TAF1B: variants seen among roughly 807,000 people sequenced by gnomAD.
The protein encoded by TAF1B is TATA-box binding protein associated factor, RNA polymerase I subunit B.
Under a neutral mutation model 83.9 loss-of-function variants are expected in TAF1B, and 61 were observed. The ratio of observed to expected loss-of-function variants is 0.73; its 90% CI spans 0.59 to 0.90. TAF1B has a LOEUF of 0.90. Among genes scored for constraint, TAF1B ranks in the 40% least tolerant of loss-of-function variants. The pLI is 0.00. For missense variants in TAF1B, 625 were observed against 677.0 expected (o/e 0.92, Z 0.85); for synonymous variants, 221 against 224.6 (o/e 0.98, Z 0.14).
chr2:9,873,076 C>G (rs919818115), intron 6 of TAF1B, among the ~76,000 whole-genome samples: 3 of 152,126 alleles, frequency 2.0e-5, no homozygotes, highest in Admixed American at 6.6e-5. Flanking sequence ...GACCCGAAAC[C>G]TTTGCATGGC....
chr2:9,868,513 A>G, intron 6 of TAF1B, 84 bp downstream of exon 6: 1 of 1,530,216 alleles, frequency 6.5e-7, no homozygotes, highest in Non-Finnish European at 8.9e-7. Context: ...TGATAATCCA[A>G]GGAAAGGGAA....
intron 8 of TAF1B, among the ~76,000 whole-genome samples, chr2:9,893,091 T>TA (rs755056519): frequency 6.6e-6 from 1 of 152,160 alleles, no homozygotes; most frequent in Non-Finnish European, 1.5e-5. Context: ...GGAGAGCACT[T>TA]AAAAAAATTA....
chr2:9,856,119 C>T (rs1663558113), intron 5 of TAF1B, among the ~76,000 whole-genome samples: 1 of 151,928 alleles, frequency 6.6e-6, no homozygotes, highest in Non-Finnish European at 1.5e-5. Context: ...ACTGAGAAAC[C>T]CAGGTCTGGG....
chr2:9,897,587 G>A (rs1419681535), intron 8 of TAF1B, among the ~76,000 whole-genome samples: 1 of 152,180 alleles, frequency 6.6e-6, no homozygotes, highest in Admixed American at 6.5e-5. Flanking sequence ...GTGGCACTTA[G>A]CCAGGATGAT....
intron 14 of TAF1B, among the ~76,000 whole-genome samples, chr2:9,931,787 C>T (rs1482166829): frequency 4.6e-5 from 7 of 152,186 alleles, no homozygotes; most frequent in Non-Finnish European, 7.3e-5. Context: ...CCATTCTCCC[C>T]GTCACTTTCA....
At chr2:9,846,769 T>G (rs1173101266) in intron 2 of TAF1B, among the ~76,000 whole-genome samples, 1 of 152,216 alleles carries the variant, frequency 6.6e-6, no homozygotes, top group Non-Finnish European at 1.5e-5. Context: ...ATGTGCTCAC[T>G]TGATGAAATT....
intron 9 of TAF1B, among the ~76,000 whole-genome samples, chr2:9,907,633 A>C (rs1047974679): frequency 6.6e-6 from 1 of 151,970 alleles, no homozygotes; most frequent in Admixed American, 6.6e-5. Flanking sequence ...TCCACCCTCT[A>C]CTATGGTTCC....
At chr2:9,851,301 A>G (rs1341331705) in intron 3 of TAF1B, among the ~76,000 whole-genome samples, 3 of 152,180 alleles carry the variant, frequency 2.0e-5, no homozygotes, top group Non-Finnish European at 2.9e-5. Context: ...GAAATTATAC[A>G]AAATATTTAG....
intron 4 of TAF1B, 25 bp from the exon 5 acceptor site, chr2:9,854,301 A>G (rs966273770): frequency 6.4e-7 from 1 of 1,568,118 alleles, no homozygotes; most frequent in Non-Finnish European, 8.8e-7. Flanking sequence ...TGAATCACCC[A>G]CCACTCATTT....
chr2:9,901,538 A>G (rs1244977322), intron 8 of TAF1B, among the ~76,000 whole-genome samples: 2 of 152,206 alleles, frequency 1.3e-5, no homozygotes, highest in Admixed American at 1.3e-4. Context: ...TTTATCATCC[A>G]TTAAATCATT....
rs529861966 is a variant in TAF1B, at chr2:9,872,571, A to C, written c.554-3294A>C. Among the ~76,000 whole-genome samples, 6 of 152,284 alleles carry C rather than the reference A, an allele frequency of 3.9e-5. 1 individual carries two copies. The South Asian group carries it at 1.0e-3, about 26-fold the overall frequency. On this transcript the variant is annotated intron_variant, in intron 6 of 14. Transcript: ENST00000263663. ...CCTATCTGTATGCTTTCTGACTTCT[A>C]AAATTTTATTGTTCTTGTCACCTTT...
rs772224343 is a variant in TAF1B at position 9,904,953 on chromosome 2, ATCTTC to A, written c.903_907del (p.Tyr301Ter). 5 of 1,612,000 alleles carry A rather than the reference ATCTTC, an allele frequency of 3.1e-6. No homozygotes were observed. The East Asian group carries it at 1.1e-4, about 36-fold the overall frequency. ...TTTCCAGACATAACTGAAGACTGCT[ATCTTC>A]ATCCCAACATACTGTGTATGAAATA... On this transcript the variant is annotated stop_gained and frameshift_variant, in exon 9 of 15. Coordinates refer to ENST00000263663, the MANE Select transcript of TAF1B (RefSeq NM_005680.3). LOFTEE classifies it high-confidence loss of function.
intron 2 of TAF1B, among the ~76,000 whole-genome samples, chr2:9,848,056 C>T (rs374640478): frequency 6.6e-5 from 10 of 152,136 alleles, no homozygotes; most frequent in Middle Eastern, 3.4e-3. Context: ...TGCTCTTTCA[C>T]GTTTTGTCTA....
intron 8 of TAF1B, among the ~76,000 whole-genome samples, chr2:9,886,343 T>A (rs958324732): frequency 6.6e-6 from 1 of 152,238 alleles, no homozygotes; most frequent in African/African-American, 2.4e-5. Flanking sequence ...TACTCGCTCC[T>A]TCATTTCTAG....
At chr2:9,927,521 C>T (rs151068329) in intron 14 of TAF1B, among the ~76,000 whole-genome samples, 1,752 of 152,340 alleles carry the variant, frequency 0.012, 31 homozygotes, top group African/African-American at 0.039. Context: ...TTCACATCCT[C>T]TCCAGCACCT....
In TAF1B at chr2:9,911,556, A is replaced by G; in HGVS notation, c.1179A>G (p.Lys393=). The change falls in exon 11 of 15, where the codon AAA becomes AAG. Residue 393 remains lysine (K), a splice_region_variant and synonymous_variant. Coordinates refer to ENST00000263663, the MANE Select transcript of TAF1B (RefSeq NM_005680.3). ...LAEKHNEKNK[K]DKPWFDFRKW... is the part of the protein sequence containing the mutation. ...AAAAGCATAATGAAAAGAACAAAAA[A>G]GGTATTTTAATTTTTTATCATTCAA... 6.6e-7 allele frequency: 1 copy of G among 1,519,680 alleles called. No homozygotes were observed. The highest frequency in any genetic ancestry group is 1.2e-5 in the South Asian group (1 of 80,554). The allele number at this position is 1,519,680 out of a possible 1,614,324, so 94.1% of individuals were successfully genotyped here.
At chr2:9,919,458 C>G in intron 13 of TAF1B, 140 bp from the exon 14 acceptor site, 2 of 715,806 alleles carry the variant, frequency 2.8e-6, no homozygotes, top group Non-Finnish European at 4.7e-6. Context: ...TTTCCCTTAA[C>G]GTTATCCTGT....
chr2:9,874,814 A>C (rs1664271472), intron 6 of TAF1B, among the ~76,000 whole-genome samples: 1 of 152,154 alleles, frequency 6.6e-6, no homozygotes. Flanking sequence ...GGAGTTTTGG[A>C]GAGGCCTTGT....
chr2:9,908,654 A>G (rs11677649), intron 9 of TAF1B, among the ~76,000 whole-genome samples: 57,764 of 152,026 alleles, frequency 0.38, 11,324 homozygotes, highest in East Asian at 0.53. Flanking sequence ...TTAATTCTCT[A>G]TCTCCTAATC....
Sources: allele counts gnomAD v4.1 joint callset (sites outside exome capture counted in the v4.1 genomes callset), GRCh38; gene constraint gnomAD v4.1.1; transcripts MANE v1.5; gene names NCBI Gene and HGNC (gene_info 2026-07-23, HGNC 2026-07-21).